Variants in MREG observed in about 807,000 individuals in gnomAD.
MREG encodes the protein melanoregulin.
A neutral mutation model predicts 28.5 loss-of-function variants in MREG; 31 were observed. That is an observed-to-expected ratio of 1.09 (90% CI 0.82 to 1.47). The LOEUF (loss-of-function observed/expected upper bound fraction) is 1.47. MREG is among the 40% of genes most tolerant of loss of function. The probability of loss-of-function intolerance (pLI) is 0.00; values close to 1 mark genes in which losing one functional copy is unlikely to be tolerated. For missense variants in MREG, 256 were observed against 257.4 expected (o/e 0.99, Z 0.04); for synonymous variants, 106 against 95.2 (o/e 1.11, Z -0.66).
chr2:215,953,102 A>G (rs2105972152), intron 2 of MREG, among the ~76,000 whole-genome samples: 1 of 152,202 alleles, frequency 6.6e-6, no homozygotes, highest in East Asian at 1.9e-4. Flanking sequence ...CCCAAACAAA[A>G]GCTGGATTCT....
At chr2:215,969,149 A>C (rs1693021328) in intron 2 of MREG, among the ~76,000 whole-genome samples, 1 of 152,186 alleles carries the variant, frequency 6.6e-6, no homozygotes, top group Non-Finnish European at 1.5e-5. Flanking sequence ...ATGTTTTTGA[A>C]ATTGGGCAGC....
chr2:216,003,880 G>A (rs115774955), intron 1 of MREG, among the ~76,000 whole-genome samples: 2,795 of 152,258 alleles, frequency 0.018, 76 homozygotes, highest in African/African-American at 0.062. Flanking sequence ...AATTTCTACT[G>A]TTGTCTCTTT....
At chr2:215,982,178 G>A (rs570998949) in intron 2 of MREG, among the ~76,000 whole-genome samples, 18 of 151,998 alleles carry the variant, frequency 1.2e-4, no homozygotes, top group East Asian at 5.8e-4. Flanking sequence ...AAAATTAGCC[G>A]GATGTGGTGG....
At chr2:216,019,139 T>TAGAATAATAGTACTAGAATAATAGTA (rs1319326478) in intron 1 of MREG, among the ~76,000 whole-genome samples, 3 of 152,338 alleles carry the variant, frequency 2.0e-5, no homozygotes, top group Admixed American at 6.5e-5. Flanking sequence ...TCTTTAGTAC[T>TAGAATAATAGTACTAGAATAATAGTA]CCCATCATTC....
chr2:215,984,655 T>A (rs1385736800), intron 2 of MREG, among the ~76,000 whole-genome samples: 1 of 150,732 alleles, frequency 6.6e-6, no homozygotes, highest in Non-Finnish European at 1.5e-5. Flanking sequence ...CTAAACAAAG[T>A]GAAGAAGGGA....
chr2:216,018,162 CA>C (rs930178567), upstream of MREG, among the ~76,000 whole-genome samples: 1,361 of 149,696 alleles, frequency 9.1e-3, 21 homozygotes, highest in African/African-American at 0.032. Context: ...GACTCCACCT[CA>C]AAAAAAAAAT....
At chr2:216,031,679 GAAA>G (rs1694709174) in intron 1 of MREG, among the ~76,000 whole-genome samples, 1 of 51,060 alleles carries the variant, frequency 2.0e-5, no homozygotes, top group Non-Finnish European at 4.0e-5. Flanking sequence ...AAGAAAGAAA[GAAA>G]GAAAGAAAGA....
At chr2:215,963,147 T>G (rs1024332125) in intron 2 of MREG, among the ~76,000 whole-genome samples, 6 of 151,736 alleles carry the variant, frequency 4.0e-5, no homozygotes, top group African/African-American at 1.5e-4. Context: ...AGAAAAAGAA[T>G]GTACAATTTG....
In MREG at chr2:215,944,849, CCT is replaced by C. The variant is rs1347664456; in HGVS notation, c.*12_*13del. 6.4e-7 allele frequency: 1 copy of C among 1,571,208 alleles called. No homozygotes were observed. The highest frequency in any genetic ancestry group is 1.3e-5 in the African/African-American group (1 of 74,390). The stretch of plus-strand genomic sequence containing the variant: ...CTCATGGAAGAATTCCCATTCTGCC[CCT>C]GAGCCTCTCCTTTAGGGACTTGGAA... On this transcript the variant is annotated 3_prime_UTR_variant, in exon 5 of 5. Transcript: ENST00000263268.
In MREG at chr2:215,945,655, A is replaced by G; in HGVS notation, c.426T>C (p.Ala142=). Residue 142 remains alanine, a synonymous_variant, in exon 4 of 5, where the codon GCT becomes GCC. Coordinates refer to ENST00000263268, the MANE Select transcript of MREG (RefSeq NM_018000.3). The part of the protein sequence containing the change: ...TISDSKNTRK[A]REMLLKLAEE... ...CAGCCAGTTTTAACAACATCTCTCGAGCTTTCCTTGTGTTTTTAGAATCAC... is the reference window on the plus strand; with the variant it reads ...CAGCCAGTTTTAACAACATCTCTCGGGCTTTCCTTGTGTTTTTAGAATCAC... The G allele has an allele frequency of 6.2e-7, 1 of 1,613,984 alleles. No homozygotes were observed. Among genetic ancestry groups the G allele is most frequent in the Non-Finnish European group, 8.5e-7 (1 of 1,179,864 alleles).
intron 2 of MREG, among the ~76,000 whole-genome samples, chr2:215,966,726 C>G (rs1218222453): frequency 6.6e-6 from 1 of 151,970 alleles, no homozygotes; most frequent in East Asian, 1.9e-4. Flanking sequence ...CTCAGCCTCC[C>G]AAGTAGCTGG....
intron 1 of MREG, among the ~76,000 whole-genome samples, chr2:216,007,997 C>G (rs1321347157): frequency 6.6e-6 from 1 of 152,012 alleles, no homozygotes; most frequent in Non-Finnish European, 1.5e-5. Flanking sequence ...CTCACAGGAA[C>G]CTAACTCTGT....
upstream of MREG, among the ~76,000 whole-genome samples, chr2:216,014,978 TTACTC>T (rs1375785394): frequency 1.1e-4 from 16 of 152,230 alleles, no homozygotes; most frequent in African/African-American, 2.2e-4. Flanking sequence ...ATACAAATCT[TTACTC>T]TAATGGAGCA....
Position 215,943,153 on chromosome 2 carries a change from A to G in MREG, c.*1710T>C. 1 of 256,806 alleles carries G rather than the reference A, an allele frequency of 3.9e-6. No homozygotes were observed. The highest frequency in any genetic ancestry group is 7.9e-6 in the Non-Finnish European group (1 of 126,742). 15.9% of individuals were successfully genotyped at this position (256,806 alleles called of 1,614,324 possible). On this transcript the variant is annotated 3_prime_UTR_variant, in exon 5 of 5. Coordinates refer to ENST00000263268, the MANE Select transcript of MREG (RefSeq NM_018000.3). Reference sequence around the variant, plus strand: ...ACAAGTTAGTTTTTAACCTGAATTCAGAAGTGCAAAATCTGTAAAAATAAA... The same window carrying G: ...ACAAGTTAGTTTTTAACCTGAATTCGGAAGTGCAAAATCTGTAAAAATAAA...
intron 2 of MREG, among the ~76,000 whole-genome samples, chr2:215,985,613 T>C (rs901869897): frequency 3.3e-5 from 5 of 152,168 alleles, no homozygotes; most frequent in South Asian, 2.1e-4. Flanking sequence ...TTTTCCTGAC[T>C]TTTTTTCAGT....
At chr2:215,979,094 G>T (rs1693338430) in intron 2 of MREG, among the ~76,000 whole-genome samples, 1 of 152,142 alleles carries the variant, frequency 6.6e-6, no homozygotes, top group African/African-American at 2.4e-5. Context: ...TTCATAAGAG[G>T]GAAATAAGCT....
intron 2 of MREG, among the ~76,000 whole-genome samples, chr2:215,985,650 T>C (rs1190379034): frequency 6.6e-6 from 1 of 152,204 alleles, no homozygotes; most frequent in Non-Finnish European, 1.5e-5. Flanking sequence ...TTAGCCTTAA[T>C]TATTTGTGGT....
At chr2:215,979,150 C>T (rs1335005894) in intron 2 of MREG, among the ~76,000 whole-genome samples, 3 of 152,252 alleles carry the variant, frequency 2.0e-5, no homozygotes, top group African/African-American at 4.8e-5. Context: ...TGTCTACAAG[C>T]TTATTCCTGT....
chr2:215,985,916 CT>C (rs980736641), intron 2 of MREG, among the ~76,000 whole-genome samples: 3 of 151,230 alleles, frequency 2.0e-5, no homozygotes, highest in Non-Finnish European at 3.0e-5. Context: ...AACCAGAATA[CT>C]TTTTTTTTAA....
Sources: gnomAD v4.1 joint callset for allele counts (sites outside exome capture counted in the v4.1 genomes callset) on GRCh38, gnomAD v4.1.1 for gene constraint, MANE v1.5 for transcripts, NCBI Gene and HGNC (gene_info 2026-07-23, HGNC 2026-07-21) for gene names.